OLFM3: variants seen among roughly 807,000 people sequenced by gnomAD.
OLFM3 encodes the protein olfactomedin 3.
Under a neutral mutation model 48.6 loss-of-function variants are expected in OLFM3, and 20 were observed. The observed-to-expected ratio is 0.41, with a 90% CI of 0.29 to 0.60. OLFM3 has a LOEUF of 0.60. Ranked by LOEUF, OLFM3 falls within the 20% of genes least tolerant of loss-of-function variation. The pLI is 0.28. For missense variants in OLFM3, 437 were observed against 544.3 expected (o/e 0.80, Z 1.96); for synonymous variants, 222 against 198.1 (o/e 1.12, Z -1.01).
At chr1:101,819,966 G>C (rs1445226) in intron 4 of OLFM3, among the ~76,000 whole-genome samples, 1 of 151,728 alleles carries the variant, frequency 6.6e-6, no homozygotes, top group Non-Finnish European at 1.5e-5. Flanking sequence ...AATATTGCTG[G>C]AGTTATTGAC....
intron 1 of OLFM3, among the ~76,000 whole-genome samples, chr1:101,944,081 C>A (rs1469396231): frequency 1.3e-5 from 2 of 150,288 alleles, no homozygotes; most frequent in Non-Finnish European, 3.0e-5. Context: ...CATATATATA[C>A]ATATATAATA....
chr1:101,935,808 A>C (rs1659595217), intron 1 of OLFM3, among the ~76,000 whole-genome samples: 1 of 152,084 alleles, frequency 6.6e-6, no homozygotes, highest in South Asian at 2.1e-4. Context: ...CCTAGGATAC[A>C]AGATTAAACA....
chr1:101,954,324 G>A (rs1398525390), intron 1 of OLFM3, among the ~76,000 whole-genome samples: 1 of 151,950 alleles, frequency 6.6e-6, no homozygotes, highest in African/African-American at 2.4e-5. Flanking sequence ...TTTACATGTA[G>A]GAATGTATAA....
intron 1 of OLFM3, among the ~76,000 whole-genome samples, chr1:101,871,881 G>C (rs764446389): frequency 1.7e-4 from 26 of 151,968 alleles, no homozygotes; most frequent in Admixed American, 3.3e-4. Context: ...TAGAACTTAA[G>C]TACCACAGAG....
chr1:101,890,704 A>G (rs973036057), intron 1 of OLFM3, among the ~76,000 whole-genome samples: 1 of 148,860 alleles, frequency 6.7e-6, no homozygotes, highest in African/African-American at 2.6e-5. Context: ...ACAAAATTAA[A>G]CAAACAAAAA....
intron 1 of OLFM3, among the ~76,000 whole-genome samples, chr1:101,896,589 G>T (rs1160761033): frequency 1.4e-5 from 2 of 142,862 alleles, no homozygotes; most frequent in East Asian, 2.1e-4. Flanking sequence ...CCGCCTCTCC[G>T]GTTCACGCCA....
At chr1:101,971,746 A>G (rs996519828) in intron 1 of OLFM3, among the ~76,000 whole-genome samples, 7 of 152,126 alleles carry the variant, frequency 4.6e-5, no homozygotes, top group African/African-American at 1.7e-4. Context: ...TGGTCAGATC[A>G]TTTCTTAATT....
intron 4 of OLFM3, among the ~76,000 whole-genome samples, chr1:101,817,098 A>G (rs550323124): frequency 2.6e-5 from 4 of 152,268 alleles, no homozygotes; most frequent in Non-Finnish European, 5.9e-5. Flanking sequence ...AAAATAAACA[A>G]TAAGAGTCAT....
intron 1 of OLFM3, among the ~76,000 whole-genome samples, chr1:101,968,427 T>C (rs1660682633): frequency 6.6e-6 from 1 of 151,318 alleles, no homozygotes; most frequent in Admixed American, 6.6e-5. Context: ...GTTTAGTCCA[T>C]AGTGTAGATG....
chr1:101,939,669 G>A (rs1207583920), intron 1 of OLFM3, among the ~76,000 whole-genome samples: 2 of 152,116 alleles, frequency 1.3e-5, no homozygotes, highest in African/African-American at 4.8e-5. Flanking sequence ...GGCTTCAGAA[G>A]GGAAAATTAA....
intron 1 of OLFM3, among the ~76,000 whole-genome samples, chr1:101,854,152 G>A (rs1656328946): frequency 8.1e-6 from 1 of 123,960 alleles, no homozygotes; most frequent in South Asian, 2.3e-4. Flanking sequence ...AATTTAAAAA[G>A]AAAAGACAGA....
chr1:101,824,426 A>T (rs1262447772), intron 4 of OLFM3, among the ~76,000 whole-genome samples: 1 of 152,192 alleles, frequency 6.6e-6, no homozygotes, highest in Non-Finnish European at 1.5e-5. Flanking sequence ...TAAGAAGTAG[A>T]GTCCATGACC....
At chr1:101,972,378 A>T (rs976619612) in intron 1 of OLFM3, among the ~76,000 whole-genome samples, 7 of 152,220 alleles carry the variant, frequency 4.6e-5, no homozygotes, top group African/African-American at 1.7e-4. Flanking sequence ...AAATTAGTGC[A>T]TTGATCATAA....
intron 1 of OLFM3, among the ~76,000 whole-genome samples, chr1:101,906,312 G>A (rs555099078): frequency 6.6e-6 from 1 of 152,098 alleles, no homozygotes; most frequent in East Asian, 1.9e-4. Context: ...TAGACACAGT[G>A]AGAAAATTCA....
At chr1:101,963,339 T>C (rs1163233631) in intron 1 of OLFM3, among the ~76,000 whole-genome samples, 1 of 152,190 alleles carries the variant, frequency 6.6e-6, no homozygotes, top group African/African-American at 2.4e-5. Context: ...CTAAATTCTT[T>C]TCAGGTGGGA....
At chr1:101,892,051 G>T (rs1440983329) in intron 1 of OLFM3, among the ~76,000 whole-genome samples, 1 of 151,920 alleles carries the variant, frequency 6.6e-6, no homozygotes, top group Non-Finnish European at 1.5e-5. Flanking sequence ...ATTGTATAAA[G>T]CTTGAAGTTC....
In OLFM3 at chr1:101,944,329, G is replaced by C. The variant is rs1484694409; in HGVS notation, c.69+52419C>G. On this transcript the variant is annotated intron_variant, in intron 1 of 5. Transcript: ENST00000370103. ...CTCTAATCCTGCAAGAATTGCATAT[G>C]ACTTCATTGTAATAATAATCCAGAG... is the stretch of plus-strand genomic sequence containing the variant. Among the ~76,000 whole-genome samples the C allele has an allele frequency of 4.6e-5, 7 of 152,056 alleles. No homozygotes were observed. The East Asian group carries it at 1.4e-3, about 29-fold the overall frequency.
At chr1:101,888,098 C>T (rs2101000740) in intron 1 of OLFM3, among the ~76,000 whole-genome samples, 1 of 152,130 alleles carries the variant, frequency 6.6e-6, no homozygotes, top group East Asian at 1.9e-4. Context: ...AGATTCAATG[C>T]CATCCCTATC....
Position 101,836,990 on chromosome 1 carries a change from G to A in OLFM3, c.105C>T (p.Tyr35=), listed in dbSNP as rs1570543315. 1 of 1,614,038 alleles carries A rather than the reference G, an allele frequency of 6.2e-7. No individual in the cohort carries two copies. Among genetic ancestry groups the A allele is most frequent in the Non-Finnish European group, 8.5e-7 (1 of 1,179,950 alleles). Residue 35 remains tyrosine (Y), a synonymous_variant, in exon 2 of 6, where the codon TAC becomes TAT. Coordinates refer to ENST00000370103, the MANE Select transcript of OLFM3 (RefSeq NM_058170.4). ...QISPKEGWQV[Y]SSAQDPDGRC... ...GCCCATCAGGATCCTGAGCTGAGCT[G>A]TACACCTGCCACCCTTCTTTAGGAC...
Sources: allele counts gnomAD v4.1 joint callset (sites outside exome capture counted in the v4.1 genomes callset), GRCh38; gene constraint gnomAD v4.1.1; transcripts MANE v1.5; gene names NCBI Gene and HGNC (gene_info 2026-07-23, HGNC 2026-07-21).